SLC5A3: variants seen among roughly 807,000 people sequenced by gnomAD.
SLC5A3 encodes the protein solute carrier family 5 member 3, also known as sodium/myo-inositol cotransporter.
A neutral mutation model predicts 43.2 loss-of-function variants in SLC5A3; 10 were observed. The ratio of observed to expected loss-of-function variants is 0.23; its 90% CI spans 0.14 to 0.39. SLC5A3 has a LOEUF of 0.39. Among genes scored for constraint, SLC5A3 ranks in the 10% least tolerant of loss-of-function variants. SLC5A3 has a pLI of 1.00. For synonymous variants in SLC5A3, 349 were observed against 322.0 expected (o/e 1.08, Z -0.90); for missense variants, 608 against 893.4 (o/e 0.68, Z 4.07).
At position 34,097,324 on chromosome 21, in the gene SLC5A3, G is replaced by C; in HGVS notation, c.2126G>C (p.Gly709Ala). ...NIGLFAVCSLGIFMFVYFSL is the reference protein window; with the variant it reads ...NIGLFAVCSLAIFMFVYFSL ...GGACTTTTTGCTGTGTGTTCACTTG[G>C]AATTTTCATGTTTGTTTATTTCTCC... is the stretch of plus-strand genomic sequence containing the variant. Residue 709 changes from glycine (G) to alanine (A), a missense_variant, in exon 2 of 2, where the codon GGA (glycine) becomes GCA (alanine). By Grantham distance (60) the Gly-to-Ala change is moderately conservative. This residue lies in a region of SLC5A3 where 210 missense variants were observed against 224.8 expected (regional missense o/e 0.93). Transcript: ENST00000381151. 6.2e-7 allele frequency: 1 copy of C among 1,607,328 alleles called. No homozygotes were observed. Among genetic ancestry groups the C allele is most frequent in the Non-Finnish European group, 8.5e-7 (1 of 1,177,090 alleles).
Position 34,095,891 on chromosome 21 carries a change from C to T in SLC5A3, c.693C>T (p.Tyr231=). 2 of 1,614,162 alleles carry T rather than the reference C, an allele frequency of 1.2e-6. No individual in the cohort carries two copies. The highest frequency in any genetic ancestry group is 1.7e-4 in the Middle Eastern group (1 of 6,060). Residue 231 remains tyrosine, a synonymous_variant, in exon 2 of 2, where the codon TAC becomes TAT. Coordinates refer to ENST00000381151, the MANE Select transcript of SLC5A3 (RefSeq NM_006933.7). ...ATGTCACTTCCATCTTATTGACATACAACCTTTCCAACACAAATTCTTGTA... is the reference window on the plus strand; with the variant it reads ...ATGTCACTTCCATCTTATTGACATATAACCTTTCCAACACAAATTCTTGTA... ...SPDVTSILLT[Y]NLSNTNSCNV... is the part of the protein sequence containing the mutation.
chr21:34,098,487 T>A lies in SLC5A3; in HGVS notation c.*1132T>A, dbSNP rs984548178. On this transcript the variant is annotated 3_prime_UTR_variant, in exon 2 of 2. Transcript: ENST00000381151. ...GATTTTTTTTTTCCTCAAAAGACTT[T>A]CCATCTGTACACAGCCTCTACATTT... is the stretch of plus-strand genomic sequence containing the variant. 1.0e-6 allele frequency: 1 copy of A among 1,000,170 alleles called. No individual in the cohort carries two copies. 62.0% of individuals were successfully genotyped at this position (1,000,170 alleles called of 1,614,324 possible). A position where few individuals can be genotyped will look rare whatever the true frequency, so the allele number is the denominator to read the frequency against.
intron 1 of SLC5A3, among the ~76,000 whole-genome samples, chr21:34,082,387 C>T (rs1035949804): frequency 6.6e-6 from 1 of 152,172 alleles, no homozygotes; most frequent in Non-Finnish European, 1.5e-5. Context: ...GAGGGAGTGA[C>T]ATTCACAGTC....
chr21:34,083,129 A>C (rs1165782083), intron 1 of SLC5A3, among the ~76,000 whole-genome samples: 1 of 152,170 alleles, frequency 6.6e-6, no homozygotes, highest in Non-Finnish European at 1.5e-5. Context: ...TGGAGTGGTT[A>C]AGTGCTTTAA....
Position 34,101,558 on chromosome 21 carries a change from T to A in SLC5A3, c.*4203T>A. 2 of 1,000,112 alleles carry A rather than the reference T, an allele frequency of 2.0e-6. No individual in the cohort carries two copies. The highest frequency in any genetic ancestry group is 3.5e-5 in the African/African-American group (2 of 57,346). 62.0% of individuals were successfully genotyped at this position (1,000,112 alleles called of 1,614,324 possible). A position where few individuals can be genotyped will look rare whatever the true frequency, so the allele number is the denominator to read the frequency against. On this transcript the variant is annotated 3_prime_UTR_variant, in exon 2 of 2. Coordinates refer to ENST00000381151, the MANE Select transcript of SLC5A3 (RefSeq NM_006933.7). ...CACTTACCATTCAGAGAGACTGGTC[T>A]TTCTCTTTGTCTTCCTTCACATTGC...
chr21:34,103,727 G>C lies in SLC5A3; in HGVS notation c.*6372G>C. On this transcript the variant is annotated 3_prime_UTR_variant, in exon 2 of 2. Coordinates refer to ENST00000381151, the MANE Select transcript of SLC5A3 (RefSeq NM_006933.7). ...AGTATTGATAAGCCCAAGACAATGC[G>C]GTATCTAAACTGGTCCTAATGGTAA... 1.0e-6 allele frequency: 1 copy of C among 999,902 alleles called. No individual in the cohort carries two copies. Among genetic ancestry groups the C allele is most frequent in the Non-Finnish European group, 1.2e-6 (1 of 829,842 alleles). The allele number at this position is 999,902 out of a possible 1,614,324, so 61.9% of individuals were successfully genotyped here.
At position 34,073,694 on chromosome 21, in the gene SLC5A3, TCCAGGCATGCCCCGC is replaced by T; in HGVS notation, c.-387_-373del. On this transcript the variant is annotated 5_prime_UTR_variant, in exon 1 of 2. An upstream start codon of the reference 5' UTR is lost. Coordinates refer to ENST00000381151, the MANE Select transcript of SLC5A3 (RefSeq NM_006933.7). ...GCTTCCGAGCCGCACTCGCCGATCC[TCCAGGCATGCCCCGC>T]TACGAGCTGGCTTTAATCCTGAAAG... 1 of 1,520,100 alleles carries T rather than the reference TCCAGGCATGCCCCGC, an allele frequency of 6.6e-7. No homozygotes were observed. The highest frequency in any genetic ancestry group is 8.9e-7 in the Non-Finnish European group (1 of 1,126,218). The allele number at this position is 1,520,100 out of a possible 1,614,324, so 94.2% of individuals were successfully genotyped here.
At position 34,103,397 on chromosome 21, in the gene SLC5A3, G is replaced by A; in HGVS notation, c.*6042G>A. ...AGGTTCAGTGAAACCAGGTAGTTCT[G>A]TATTTGTGTTGTAGCCTAAATGTTG... is the stretch of plus-strand genomic sequence containing the variant. On this transcript the variant is annotated 3_prime_UTR_variant, in exon 2 of 2. Coordinates refer to ENST00000381151, the MANE Select transcript of SLC5A3 (RefSeq NM_006933.7). The A allele has an allele frequency of 1.0e-5, 10 of 995,200 alleles. No homozygotes were observed. Among genetic ancestry groups the A allele is most frequent in the Non-Finnish European group, 1.2e-5 (10 of 827,514 alleles). The allele number at this position is 995,200 out of a possible 1,614,324, so 61.6% of individuals were successfully genotyped here.
chr21:34,098,224 T>G lies in SLC5A3; in HGVS notation c.*869T>G. 1.0e-6 allele frequency: 1 copy of G among 999,092 alleles called. No individual in the cohort carries two copies. Among genetic ancestry groups the G allele is most frequent in the Non-Finnish European group, 1.2e-6 (1 of 829,046 alleles). 61.9% of individuals were successfully genotyped at this position (999,092 alleles called of 1,614,324 possible). On this transcript the variant is annotated 3_prime_UTR_variant, in exon 2 of 2. Coordinates refer to ENST00000381151, the MANE Select transcript of SLC5A3 (RefSeq NM_006933.7). Reference sequence around the variant, plus strand: ...TGATTAACTTATGCTAATCAGATGATTACTCATATATTCTGCTAATTTTCT... The same window carrying G: ...TGATTAACTTATGCTAATCAGATGAGTACTCATATATTCTGCTAATTTTCT...
Position 34,104,494 on chromosome 21 carries a change from C to G in SLC5A3, c.*7139C>G. 1 of 996,696 alleles carries G rather than the reference C, an allele frequency of 1.0e-6. No homozygotes were observed. The highest frequency in any genetic ancestry group is 4.7e-5 in the South Asian group (1 of 21,262). 61.7% of individuals were successfully genotyped at this position (996,696 alleles called of 1,614,324 possible). ...AGAAATGACTACCTTTGTTCCTACT[C>G]TTTTATATAATTATCCTTTTAGGGA... On this transcript the variant is annotated 3_prime_UTR_variant, in exon 2 of 2. Transcript: ENST00000381151.
intron 1 of SLC5A3, among the ~76,000 whole-genome samples, chr21:34,088,565 C>T (rs909867090): frequency 1.3e-5 from 2 of 152,204 alleles, no homozygotes; most frequent in Non-Finnish European, 2.9e-5. Context: ...TTTTTAAACA[C>T]GCATGATCTT....
In SLC5A3 at chr21:34,098,436, A is replaced by G. The variant is rs574300989; in HGVS notation, c.*1081A>G. 4.0e-6 allele frequency: 4 copies of G among 999,918 alleles called. No individual in the cohort carries two copies. In the East Asian group the frequency reaches 4.5e-4, roughly 113 times the overall value. The allele number at this position is 999,918 out of a possible 1,614,324, so 61.9% of individuals were successfully genotyped here. On this transcript the variant is annotated 3_prime_UTR_variant, in exon 2 of 2. Transcript: ENST00000381151. ...AGGGAAAATTTAATTCTGATATCTT[A>G]TTGCATCCTTGATAAGTTTTTCCCT...
Position 34,099,393 on chromosome 21 carries a change from C to T in SLC5A3, c.*2038C>T. ...GACAAATGGTTGTCAATGTTTTGTC[C>T]TGTTTTTTCAAAGGAACTGTTCTTC... On this transcript the variant is annotated 3_prime_UTR_variant, in exon 2 of 2. Coordinates refer to ENST00000381151, the MANE Select transcript of SLC5A3 (RefSeq NM_006933.7). The T allele has an allele frequency of 2.0e-6, 2 of 1,000,184 alleles. No homozygotes were observed. Among genetic ancestry groups the T allele is most frequent in the South Asian group, 4.7e-5 (1 of 21,286 alleles). The allele number at this position is 1,000,184 out of a possible 1,614,324, so 62.0% of individuals were successfully genotyped here. A position where few individuals can be genotyped will look rare whatever the true frequency, so the allele number is the denominator to read the frequency against.
In SLC5A3 at chr21:34,096,960, A is replaced by G. The variant is rs753256176; in HGVS notation, c.1762A>G (p.Asn588Asp). The change falls in exon 2 of 2, where the codon AAC becomes GAC. Residue 588 changes from asparagine to aspartate, a missense_variant. Physicochemically the swap from Asn to Asp is conservative, Grantham distance 23. Transcript: ENST00000381151. The surrounding 1 kb of genome is among the most constrained non-coding windows in gnomAD (Gnocchi z 5.9). Reference protein sequence around the residue: ...NNETINHIIPNGKSEDSIKGL... With the variant: ...NNETINHIIPDGKSEDSIKGL... ...TGAGACCATCAACCACATCATTCCC[A>G]ACGGGAAATCTGAAGACAGCATTAA... The G allele has an allele frequency of 1.6e-5, 26 of 1,614,010 alleles. No homozygotes were observed. Among genetic ancestry groups the G allele is most frequent in the Non-Finnish European group, 2.2e-5 (26 of 1,179,996 alleles).
At chr21:34,076,792 T>A (rs1989342866) in intron 1 of SLC5A3, among the ~76,000 whole-genome samples, 1 of 152,186 alleles carries the variant, frequency 6.6e-6, no homozygotes, top group South Asian at 2.1e-4. Flanking sequence ...TTTAGACCAG[T>A]CTTAGTTCAT....
chr21:34,087,881 A>G (rs1037952870), intron 1 of SLC5A3, among the ~76,000 whole-genome samples: 4 of 152,252 alleles, frequency 2.6e-5, no homozygotes, highest in African/African-American at 7.2e-5. Context: ...AGTATCGCCA[A>G]CAGGCTTTGC....
rs150670040 is a variant in SLC5A3 at position 34,095,681 on chromosome 21, T to C, written c.483T>C (p.Ser161=). The change falls in exon 2 of 2, where the codon TCT becomes TCC. Residue 161 remains serine, a synonymous_variant. Transcript: ENST00000381151. ...CTTTGGGTTGGAATCTTTATGTGTCTGTCATCCTGCTCATTGGCATGACTG... is the reference window on the plus strand; with the variant it reads ...CTTTGGGTTGGAATCTTTATGTGTCCGTCATCCTGCTCATTGGCATGACTG... The part of the protein sequence containing the change: ...QESLGWNLYV[S]VILLIGMTAL... The C allele has an allele frequency of 5.0e-6, 8 of 1,613,788 alleles. No individual in the cohort carries two copies. The highest frequency in any genetic ancestry group is 1.3e-5 in the African/African-American group (1 of 74,826).
intron 1 of SLC5A3, among the ~76,000 whole-genome samples, chr21:34,078,063 T>A (rs925024133): frequency 6.6e-6 from 1 of 152,182 alleles, no homozygotes; most frequent in Non-Finnish European, 1.5e-5. Flanking sequence ...AAGCATTTGA[T>A]AACTAGGAAA....
At chr21:34,085,899 G>C (rs1292870763) in intron 1 of SLC5A3, among the ~76,000 whole-genome samples, 1 of 152,138 alleles carries the variant, frequency 6.6e-6, no homozygotes, top group African/African-American at 2.4e-5. Flanking sequence ...ACTGCGCCCG[G>C]CCAGAAATAA....
Sources: allele counts gnomAD v4.1 joint callset (sites outside exome capture counted in the v4.1 genomes callset), GRCh38; gene constraint gnomAD v4.1.1; regional missense constraint gnomAD v4.1.1; non-coding constraint Gnocchi (gnomAD v3.1); transcripts MANE v1.5; gene names NCBI Gene and HGNC (gene_info 2026-07-23, HGNC 2026-07-21).